The following STAC variants were observed in gnomAD, a reference collection of about 807,000 sequenced individuals.
STAC encodes SH3 and cysteine-rich domain-containing protein.
STAC carries 43 observed loss-of-function variants against 48.8 expected under a neutral mutation model. The ratio of observed to expected loss-of-function variants is 0.88; its 90% CI spans 0.69 to 1.14. The LOEUF (loss-of-function observed/expected upper bound fraction) is 1.14, where lower values mean the gene tolerates loss of function less well. Ranked by LOEUF, STAC falls within the 50% of genes most tolerant of loss-of-function variation. The pLI, the probability that STAC is intolerant of heterozygous loss-of-function variation, is 0.00. For missense variants in STAC, 497 were observed against 504.0 expected (o/e 0.99, Z 0.13); for synonymous variants, 193 against 179.5 (o/e 1.07, Z -0.60).
intron 1 of STAC, among the ~76,000 whole-genome samples, chr3:36,414,983 G>A (rs142122078): frequency 0.018 from 2,749 of 152,304 alleles, 51 homozygotes; most frequent in Non-Finnish European, 0.025. Flanking sequence ...GCAGAACAGC[G>A]AATATTGCTG....
intron 8 of STAC, among the ~76,000 whole-genome samples, chr3:36,512,640 G>C (rs772037547): frequency 5.9e-5 from 9 of 152,152 alleles, no homozygotes; most frequent in Non-Finnish European, 1.3e-4. Flanking sequence ...TATTTTAGTT[G>C]GTTGCAGGCC....
chr3:36,475,174 T>C (rs1333003229), intron 2 of STAC, among the ~76,000 whole-genome samples: 3 of 152,162 alleles, frequency 2.0e-5, no homozygotes, highest in Non-Finnish European at 4.4e-5. Flanking sequence ...TAGCTTTGTG[T>C]GATTTCAGAA....
chr3:36,537,522 A>C (rs1250212637), intron 10 of STAC, among the ~76,000 whole-genome samples: 2 of 152,120 alleles, frequency 1.3e-5, no homozygotes, highest in African/African-American at 4.8e-5. Flanking sequence ...GGAGGGAACA[A>C]CACACACTAG....
intron 1 of STAC, among the ~76,000 whole-genome samples, chr3:36,410,240 G>A (rs1700166382): frequency 1.3e-5 from 2 of 152,150 alleles, no homozygotes; most frequent in Admixed American, 1.3e-4. Context: ...ATTTACTAGT[G>A]TGTGTTCGCC....
intron 1 of STAC, among the ~76,000 whole-genome samples, chr3:36,388,381 T>C (rs138952620): frequency 6.6e-6 from 1 of 152,100 alleles, no homozygotes; most frequent in African/African-American, 2.4e-5. Flanking sequence ...TATTTATAAA[T>C]ATTAAATTCA....
At chr3:36,542,361 G>A (rs982577168) in intron 10 of STAC, among the ~76,000 whole-genome samples, 1 of 152,118 alleles carries the variant, frequency 6.6e-6, no homozygotes, top group African/African-American at 2.4e-5. Flanking sequence ...AGATCAGAAG[G>A]TCAGCCAAAG....
rs1700225220 is a variant in STAC at position 36,412,746 on chromosome 3, T to C, written c.112-30618T>C. 2.6e-5 allele frequency among the ~76,000 whole-genome samples: 4 copies of C among 152,228 alleles called. No homozygotes were observed. The South Asian group carries it at 8.3e-4, about 31-fold the overall frequency. ...ACCTGTTTCAGGGCTCTATGTTTGA[T>C]TCAATTCCATTGATATATATGGTTT... On this transcript the variant is annotated intron_variant, in intron 1 of 10. Transcript: ENST00000273183.
intron 8 of STAC, among the ~76,000 whole-genome samples, chr3:36,509,051 G>A (rs1575249568): frequency 6.6e-6 from 1 of 152,152 alleles, no homozygotes; most frequent in South Asian, 2.1e-4. Context: ...GCAGTGGCTA[G>A]TACCAGTTGT....
At chr3:36,413,773 T>C (rs1395586094) in intron 1 of STAC, among the ~76,000 whole-genome samples, 1 of 152,254 alleles carries the variant, frequency 6.6e-6, no homozygotes, top group Admixed American at 6.5e-5. Flanking sequence ...CTAGCATCAA[T>C]AGTCTTTACA....
intron 1 of STAC, among the ~76,000 whole-genome samples, chr3:36,424,667 A>T (rs985211343): frequency 2.0e-5 from 3 of 152,156 alleles, no homozygotes; most frequent in Non-Finnish European, 4.4e-5. Context: ...ATAAGCCTGG[A>T]AAAATCTTGT....
chr3:36,454,601 C>G (rs1350227924), intron 2 of STAC, among the ~76,000 whole-genome samples: 1 of 152,184 alleles, frequency 6.6e-6, no homozygotes. Context: ...CCTCTCCACT[C>G]CATCCTTAAA....
intron 6 of STAC, among the ~76,000 whole-genome samples, chr3:36,496,001 A>C (rs554890827): frequency 1.3e-5 from 2 of 152,300 alleles, no homozygotes; most frequent in African/African-American, 2.4e-5. Context: ...CCTTCAATAC[A>C]CACACATGCA....
At chr3:36,458,262 A>G (rs1696906647) in intron 2 of STAC, among the ~76,000 whole-genome samples, 1 of 152,220 alleles carries the variant, frequency 6.6e-6, no homozygotes, top group South Asian at 2.1e-4. Context: ...TTGAGGCCCC[A>G]TACTAGAGTT....
chr3:36,388,767 T>C (rs1699677658), intron 1 of STAC, among the ~76,000 whole-genome samples: 1 of 152,064 alleles, frequency 6.6e-6, no homozygotes, highest in South Asian at 2.1e-4. Flanking sequence ...GTTTTTTATG[T>C]AATAAATGGT....
chr3:36,386,464 C>T (rs1699618972), intron 1 of STAC, among the ~76,000 whole-genome samples: 1 of 144,030 alleles, frequency 6.9e-6, no homozygotes, highest in Non-Finnish European at 1.6e-5. Flanking sequence ...TTAATGTAGT[C>T]TAATTCTTAC....
intron 4 of STAC, chr3:36,485,900 A>C: frequency 2.8e-6 from 1 of 361,382 alleles, no homozygotes; most frequent in Admixed American, 4.6e-5. Flanking sequence ...TCAATCAGGA[A>C]GAATTCGGGA....
intron 1 of STAC, among the ~76,000 whole-genome samples, chr3:36,414,461 T>A (rs547562524): frequency 2.0e-5 from 3 of 152,368 alleles, no homozygotes; most frequent in African/African-American, 7.2e-5. Flanking sequence ...TTCCAGTTGA[T>A]CGAATGGGCT....
rs1553631494 is a variant in STAC, at chr3:36,398,368, A to AAAGAGAG, written c.111+17616_111+17617insGAGAGAA. On this transcript the variant is annotated intron_variant, in intron 1 of 10. Transcript: ENST00000273183. Reference sequence around the variant, plus strand: ...GAAAGAAAGAAAGAAAGAAAGAAAGAAAAGAAAGAGAGAAAGAAAGAAAGA... The same window carrying AAAGAGAG: ...GAAAGAAAGAAAGAAAGAAAGAAAGAAAGAGAGAAAGAAAGAGAGAAAGAAAGAAAGA... 8.2e-4 allele frequency among the ~76,000 whole-genome samples: 84 copies of AAAGAGAG among 102,964 alleles called. 1 individual carries two copies. Among genetic ancestry groups the AAAGAGAG allele is most frequent in the African/African-American group, 3.2e-3 (84 of 26,598 alleles). 67.5% of individuals were successfully genotyped at this position (102,964 alleles called of 152,430 possible).
At chr3:36,401,956 T>C (rs755703317) in intron 1 of STAC, among the ~76,000 whole-genome samples, 15 of 152,070 alleles carry the variant, frequency 9.9e-5, no homozygotes, top group Non-Finnish European at 1.6e-4. Context: ...GGTACATCAT[T>C]TTATTTAGTC....
Sources: allele counts gnomAD v4.1 joint callset (sites outside exome capture counted in the v4.1 genomes callset), GRCh38; gene constraint gnomAD v4.1.1; transcripts MANE v1.5; gene names NCBI Gene and HGNC (gene_info 2026-07-23, HGNC 2026-07-21).